The following GFRA2 variants were observed in gnomAD, a reference collection of about 807,000 sequenced individuals.
GFRA2 encodes GDNF family receptor alpha 2.
In GFRA2, 17 loss-of-function variants were observed where a neutral mutation model predicts 48.3. That is an observed-to-expected ratio of 0.35 (90% confidence interval 0.24 to 0.53). The LOEUF is 0.53. Ranked by LOEUF, GFRA2 falls within the 20% of genes least tolerant of loss-of-function variation. The pLI is 0.93. For missense variants in GFRA2, 660 were observed against 637.3 expected, an observed-to-expected ratio of 1.04 and a Z score of -0.38; for synonymous variants, 305 against 257.2, an observed-to-expected ratio of 1.19 and a Z score of -1.78.
At chr8:21,773,917 A>G (rs1806560189) in intron 3 of GFRA2, among the ~76,000 whole-genome samples, 1 of 152,192 alleles carries the variant, frequency 6.6e-6, no homozygotes, top group Non-Finnish European at 1.5e-5. Context: ...ATTGCTGAAC[A>G]TCCTCAGACT....
At chr8:21,732,378 G>A (rs542992816) in intron 4 of GFRA2, among the ~76,000 whole-genome samples, 36 of 152,384 alleles carry the variant, frequency 2.4e-4, no homozygotes, top group Non-Finnish European at 4.0e-4. Context: ...AAAGGCCACT[G>A]TCCTATGGCC....
At chr8:21,759,528 A>AGGAAGGAAGGAAGGAGGGAG (rs1805787424) in intron 3 of GFRA2, among the ~76,000 whole-genome samples, 2 of 143,790 alleles carry the variant, frequency 1.4e-5, no homozygotes, top group African/African-American at 5.3e-5. Context: ...GAAGGAAGGA[A>AGGAAGGAAGGAAGGAGGGAG]GGAAGGAAGG....
chr8:21,710,686 T>C (rs1460564307), intron 4 of GFRA2, among the ~76,000 whole-genome samples: 3 of 152,168 alleles, frequency 2.0e-5, no homozygotes, highest in Admixed American at 6.5e-5. Flanking sequence ...CCTACTTCTT[T>C]CAAAGCAGGC....
intron 4 of GFRA2, among the ~76,000 whole-genome samples, chr8:21,717,441 G>C (rs1432357748): frequency 1.3e-5 from 2 of 152,188 alleles, no homozygotes; most frequent in Non-Finnish European, 2.9e-5. Flanking sequence ...AAAATGTTAA[G>C]TTATGAACCA....
chr8:21,811,741 AC>A (rs926149473), intron 1 of GFRA2, among the ~76,000 whole-genome samples: 1 of 144,130 alleles, frequency 6.9e-6, no homozygotes, highest in Non-Finnish European at 1.5e-5. Context: ...GTGCCCCCCA[AC>A]CCCCAACCTC....
Position 21,782,672 on chromosome 8 carries a change from G to T in GFRA2, c.268C>A (p.Leu90Met). 1.3e-6 allele frequency: 2 copies of T among 1,588,062 alleles called. No homozygotes were observed. Among genetic ancestry groups the T allele is most frequent in the East Asian group, 2.3e-5 (1 of 43,226 alleles). ...CCCCGCTTGCAGCGGCAGTCGTACA[G>T]CGGGCTCTCCTGCAAGACCTCCAAG... ...AALEVLQESPLYDCRCKRGMK... is the reference protein window; with the variant it reads ...AALEVLQESPMYDCRCKRGMK... Residue 90 changes from leucine (L) to methionine (M), a missense_variant, in exon 2 of 9, where the codon CTG (leucine) becomes ATG (methionine). Coordinates refer to ENST00000524240, the MANE Select transcript of GFRA2 (RefSeq NM_001495.5).
intron 4 of GFRA2, among the ~76,000 whole-genome samples, chr8:21,745,973 G>C (rs931980190): frequency 1.3e-5 from 2 of 152,244 alleles, no homozygotes; most frequent in African/African-American, 4.8e-5. Flanking sequence ...GGCAGGAGCA[G>C]AGGGAGAAAG....
chr8:21,752,589 T>C (rs891987809), intron 3 of GFRA2, among the ~76,000 whole-genome samples: 2 of 152,054 alleles, frequency 1.3e-5, no homozygotes, highest in Non-Finnish European at 1.5e-5. Context: ...TCACTGTGCT[T>C]CCAACCCCCA....
At position 21,735,320 on chromosome 8, in the gene GFRA2, T is replaced by C. The variant is rs1196004702; in HGVS notation, c.794+15268A>G. Reference sequence around the variant, plus strand: ...GCCCCACAGCCACTGCCTTTCTATATAGCATACATCTATCCCATCGTGAAG... The same window carrying C: ...GCCCCACAGCCACTGCCTTTCTATACAGCATACATCTATCCCATCGTGAAG... On this transcript the variant is annotated intron_variant, in intron 4 of 8. Coordinates refer to ENST00000524240, the MANE Select transcript of GFRA2 (RefSeq NM_001495.5). Among the ~76,000 whole-genome samples the C allele has an allele frequency of 2.6e-5, 4 of 152,204 alleles. No homozygotes were observed. In the South Asian group the frequency reaches 8.3e-4, roughly 32 times the overall value.
chr8:21,705,238 C>T (rs898476401), intron 5 of GFRA2, 113 bp from the exon 6 acceptor site: 2 of 1,059,088 alleles, frequency 1.9e-6, no homozygotes, highest in Non-Finnish European at 2.7e-6. Context: ...CATCCTCTGA[C>T]CTGGCCCCAA....
At position 21,705,788 on chromosome 8, in the gene GFRA2, C is replaced by T; in HGVS notation, c.904+144G>A. The T allele has an allele frequency of 4.9e-6, 3 of 610,404 alleles. No homozygotes were observed. The South Asian group carries it at 6.2e-5, about 13-fold the overall frequency. The allele number at this position is 610,404 out of a possible 1,614,324, so 37.8% of individuals were successfully genotyped here. Reference sequence around the variant, plus strand: ...CAAAACTGCCTTTCCCCTGGTTTCCCCTCGCAGCTCTCTGAATCTGATGCA... The same window carrying T: ...CAAAACTGCCTTTCCCCTGGTTTCCTCTCGCAGCTCTCTGAATCTGATGCA... On this transcript the variant is annotated intron_variant, in intron 5 of 8. Transcript: ENST00000524240.
chr8:21,761,434 G>C (rs930714408), intron 3 of GFRA2, among the ~76,000 whole-genome samples: 1 of 152,226 alleles, frequency 6.6e-6, no homozygotes, highest in African/African-American at 2.4e-5. Context: ...TCCAGCAGTG[G>C]CTTGTGGGGA....
Position 21,694,531 on chromosome 8 carries a change from G to A in GFRA2, c.1219-14C>T, listed in dbSNP as rs1432030799. 3.1e-6 allele frequency: 5 copies of A among 1,607,756 alleles called. No homozygotes were observed. The highest frequency in any genetic ancestry group is 4.2e-6 in the Non-Finnish European group (5 of 1,177,482). ...CAGCCCCTGCTCCTGCGAGAGAGAAGGTGCCAGTCAGGACGAGTCACCAGG... is the reference window on the plus strand; with the variant it reads ...CAGCCCCTGCTCCTGCGAGAGAGAAAGTGCCAGTCAGGACGAGTCACCAGG... On this transcript the variant is annotated splice_polypyrimidine_tract_variant and intron_variant, in intron 7 of 8. Coordinates refer to ENST00000524240, the MANE Select transcript of GFRA2 (RefSeq NM_001495.5).
chr8:21,766,212 G>A (rs1053652875), intron 3 of GFRA2, among the ~76,000 whole-genome samples: 6 of 152,016 alleles, frequency 3.9e-5, no homozygotes, highest in African/African-American at 7.3e-5. Context: ...TCCCACTGCT[G>A]GATCCTTCCT....
chr8:21,791,063 C>T (rs1415048023), upstream of GFRA2, among the ~76,000 whole-genome samples: 2 of 152,154 alleles, frequency 1.3e-5, no homozygotes, highest in African/African-American at 4.8e-5. Flanking sequence ...TCCAAGGACC[C>T]TGCTCCAAAC....
chr8:21,734,203 G>A (rs113167572), intron 4 of GFRA2, among the ~76,000 whole-genome samples: 1,914 of 152,348 alleles, frequency 0.013, 30 homozygotes, highest in Middle Eastern at 0.02. Flanking sequence ...GAAGAAAAGG[G>A]AAGGAAGCAG....
intron 3 of GFRA2, among the ~76,000 whole-genome samples, chr8:21,766,488 C>T (rs1238839132): frequency 6.6e-6 from 1 of 151,868 alleles, no homozygotes; most frequent in Non-Finnish European, 1.5e-5. Context: ...AATTCACACA[C>T]CTTCCCTCTG....
intron 4 of GFRA2, among the ~76,000 whole-genome samples, chr8:21,749,620 G>A (rs751207308): frequency 5.3e-5 from 8 of 152,152 alleles, no homozygotes; most frequent in East Asian, 1.9e-4. Context: ...CGTGACCTAC[G>A]TTGGGATATT....
At chr8:21,800,124 A>T (rs1807745408) in intron 2 of GFRA2, among the ~76,000 whole-genome samples, 1 of 152,348 alleles carries the variant, frequency 6.6e-6, no homozygotes, top group Admixed American at 6.5e-5. Context: ...GGAAGTGATC[A>T]TCTATTTATT....
Sources: allele counts gnomAD v4.1 joint callset (sites outside exome capture counted in the v4.1 genomes callset), GRCh38; gene constraint gnomAD v4.1.1; transcripts MANE v1.5; gene names NCBI Gene and HGNC (gene_info 2026-07-23, HGNC 2026-07-21).